Variants in DUSP15 observed in about 807,000 individuals in gnomAD.
DUSP15 encodes the protein dual specificity phosphatase 15.
In DUSP15, 23 loss-of-function variants were observed where a neutral mutation model predicts 26.3. That is an observed-to-expected ratio of 0.87 (90% CI 0.63 to 1.24). The LOEUF is 1.24. Ranked by LOEUF, DUSP15 falls within the 50% of genes most tolerant of loss-of-function variation. The probability of loss-of-function intolerance (pLI) is 0.00; values close to 1 mark genes in which losing one functional copy is unlikely to be tolerated. For synonymous variants in DUSP15, 143 were observed against 135.5 expected (o/e 1.06, Z -0.39); for missense variants, 364 against 320.6 (o/e 1.14, Z -1.03).
chr20:31,864,073 C>T (rs1432616924), intron 4 of DUSP15, 92 bp from the exon 5 acceptor site: 7 of 1,584,666 alleles, frequency 4.4e-6, no homozygotes, highest in Admixed American at 1.7e-5. Flanking sequence ...TAGCAAGGGA[C>T]ATAGAGCCCT....
chr20:31,849,088 T>C (rs1417949574), intron 8 of DUSP15, among the ~76,000 whole-genome samples: 1 of 152,060 alleles, frequency 6.6e-6, no homozygotes, highest in Non-Finnish European at 1.5e-5. Context: ...CCCACATCTG[T>C]GCCCACTTCC....
At chr20:31,852,704 G>A (rs1256610268) in intron 6 of DUSP15, among the ~76,000 whole-genome samples, 2 of 152,170 alleles carry the variant, frequency 1.3e-5, no homozygotes, top group Non-Finnish European at 2.9e-5. Flanking sequence ...CCAGCTACTT[G>A]GGAGGCTGAG....
chr20:31,850,490 T>C, intron 7 of DUSP15: 1 of 987,240 alleles, frequency 1.0e-6, no homozygotes, highest in Non-Finnish European at 1.6e-6. Flanking sequence ...TTGACTGTTG[T>C]GGCTATTATT....
chr20:31,864,200 CA>C (rs1197173054), intron 4 of DUSP15: 3 of 1,344,174 alleles, frequency 2.2e-6, no homozygotes, highest in African/African-American at 3.0e-5. Flanking sequence ...AGAGACCAGT[CA>C]GGACAAATCT....
chr20:31,861,738 G>GGGGGGCCCCCCC, intron 6 of DUSP15, 63 bp from the exon 7 acceptor site: 2 of 1,290,716 alleles, frequency 1.5e-6, no homozygotes, highest in Admixed American at 4.1e-5. Flanking sequence ...AAGGCAGCCG[G>GGGGGGCCCCCCC]CCCCGCCCCC....
intron 6 of DUSP15, among the ~76,000 whole-genome samples, chr20:31,851,465 G>A (rs2062470000): frequency 6.6e-6 from 1 of 152,102 alleles, no homozygotes; most frequent in South Asian, 2.1e-4. Flanking sequence ...GACCCAAGGA[G>A]GACAAAGGAA....
At chr20:31,848,731 G>T in intron 9 of DUSP15, 1 of 1,515,922 alleles carries the variant, frequency 6.6e-7, no homozygotes, top group Non-Finnish European at 8.9e-7. Flanking sequence ...GCTGGGACTG[G>T]AGGGAGTGTG....
At chr20:31,846,141 CACAG>C (rs1407816085), downstream of DUSP15, among the ~76,000 whole-genome samples, 4 of 139,046 alleles carry the variant, frequency 2.9e-5, no homozygotes, top group East Asian at 5.8e-4. Flanking sequence ...CAGACACACA[CACAG>C]ACACACACAC....
At chr20:31,863,704 A>G in intron 5 of DUSP15, 1 of 568,946 alleles carries the variant, frequency 1.8e-6, no homozygotes, top group Non-Finnish European at 3.1e-6. Context: ...AGAGAGAAAC[A>G]GCTACTTGGC....
Position 31,870,261 on chromosome 20 carries a change from C to G in DUSP15, c.21+56G>C. On this transcript the variant is annotated intron_variant, in intron 1 of 6. Transcript: ENST00000339738. The surrounding 1 kb of genome is among the most constrained non-coding windows in gnomAD (Gnocchi z 6.6). The stretch of plus-strand genomic sequence containing the variant: ...GCGGGCGGACCGAGCTGGTCAGCGC[C>G]GGGCCGCGGCGGCCGGGGCGGGGAC... The G allele has an allele frequency of 8.2e-7, 1 of 1,225,550 alleles. No homozygotes were observed. The highest frequency in any genetic ancestry group is 1.0e-6 in the Non-Finnish European group (1 of 983,874). The allele number at this position is 1,225,550 out of a possible 1,614,324, so 75.9% of individuals were successfully genotyped here.
chr20:31,846,346 A>G (rs1341815289), downstream of DUSP15, among the ~76,000 whole-genome samples: 3 of 151,754 alleles, frequency 2.0e-5, no homozygotes, highest in Admixed American at 2.0e-4. Context: ...GAAAGTGAGA[A>G]TCACTGAGCA....
intron 6 of DUSP15, 56 bp from the exon 7 acceptor site, chr20:31,861,731 G>A (rs2062663175): frequency 7.5e-7 from 1 of 1,327,996 alleles, no homozygotes; most frequent in South Asian, 1.7e-5. Context: ...CGGGGTCAAG[G>A]CAGCCGGCCC....
intron 3 of DUSP15, among the ~76,000 whole-genome samples, chr20:31,865,600 C>T (rs1179577155): frequency 2.0e-5 from 3 of 152,190 alleles, no homozygotes; most frequent in South Asian, 2.1e-4. Context: ...ACTGTCTTAA[C>T]ATTTTTATAT....
chr20:31,865,177 C>T (rs780478162), intron 3 of DUSP15, among the ~76,000 whole-genome samples, 175 bp from the exon 4 acceptor site: 3 of 152,178 alleles, frequency 2.0e-5, no homozygotes, highest in Non-Finnish European at 4.4e-5. Context: ...CCAGCTGTGA[C>T]CACTTGTGAT....
At chr20:31,846,475 A>AGAGAGAGAGG (rs71274237), downstream of DUSP15, among the ~76,000 whole-genome samples, 170 of 79,662 alleles carry the variant, frequency 2.1e-3, no homozygotes, top group African/African-American at 0.012. Flanking sequence ...AGAGAGAGAG[A>AGAGAGAGAGG]GGAGAGAGAG....
rs2123245212 is a variant in DUSP15, at chr20:31,861,376, G to A, written c.*27C>T. The A allele has an allele frequency of 6.6e-7, 1 of 1,516,460 alleles. No individual in the cohort carries two copies. The highest frequency in any genetic ancestry group is 8.8e-7 in the Non-Finnish European group (1 of 1,141,070). The allele number at this position is 1,516,460 out of a possible 1,614,324, so 93.9% of individuals were successfully genotyped here. On this transcript the variant is annotated 3_prime_UTR_variant, in exon 7 of 7. Coordinates refer to ENST00000339738, the MANE Select transcript of DUSP15 (RefSeq NM_080611.5). ...AGCCCCCGAAGGGAGCCAGTCGGAA[G>A]TGGGGAGCCACGGCTGGACTGCATC...
At chr20:31,850,012 T>C (rs2062441729) in intron 7 of DUSP15, 1 of 980,992 alleles carries the variant, frequency 1.0e-6, no homozygotes, top group African/African-American at 1.7e-5. Context: ...GCTCTCTCCC[T>C]ATCAGTGATG....
downstream of DUSP15, chr20:31,847,490 G>C (rs941892054): frequency 2.0e-5 from 3 of 152,202 alleles, no homozygotes; most frequent in African/African-American, 7.2e-5. Context: ...GCAATTGATT[G>C]ATTTCTGTCC....
At chr20:31,862,490 A>G (rs1050735090) in intron 6 of DUSP15, 81 bp downstream of exon 6, 57 of 1,482,034 alleles carry the variant, frequency 3.8e-5, no homozygotes, top group Non-Finnish European at 4.3e-5. Flanking sequence ...CAGGCTAAAA[A>G]TGTTCCAATC....
Sources: gnomAD v4.1 joint callset for allele counts (sites outside exome capture counted in the v4.1 genomes callset) on GRCh38, gnomAD v4.1.1 for gene constraint, Gnocchi (gnomAD v3.1) non-coding constraint, MANE v1.5 for transcripts, NCBI Gene and HGNC (gene_info 2026-07-23, HGNC 2026-07-21) for gene names.